Variants in RNF170 observed in about 807,000 individuals in gnomAD.
RNF170 encodes the protein ring finger protein 170.
RNF170 carries 12 observed loss-of-function variants against 32.7 expected under a neutral mutation model. That is an observed-to-expected ratio of 0.37 (90% CI 0.24 to 0.60). The LOEUF (loss-of-function observed/expected upper bound fraction) is 0.60, where lower values mean the gene tolerates loss of function less well. Among genes scored for constraint, RNF170 ranks in the 20% least tolerant of loss-of-function variants. The probability of loss-of-function intolerance (pLI) is 0.72; values close to 1 mark genes in which losing one functional copy is unlikely to be tolerated. For synonymous variants in RNF170, 91 were observed against 103.6 expected (o/e 0.88, Z 0.74); for missense variants, 212 against 311.2 (o/e 0.68, Z 2.40).
intron 4 of RNF170, among the ~76,000 whole-genome samples, chr8:42,867,579 T>C (rs937455057): frequency 6.9e-6 from 1 of 145,190 alleles, no homozygotes; most frequent in Admixed American, 6.9e-5. Context: ...ATCAAGACCA[T>C]CATGGCTAAC....
chr8:42,896,662 G>A (rs1806932755), upstream of RNF170: 3 of 450,788 alleles, frequency 6.7e-6, no homozygotes, highest in South Asian at 4.7e-5. Context: ...GGACGGCGGA[G>A]GAGGACCCGT....
rs138853153 is a variant in RNF170, at chr8:42,872,742, C to T, written c.213+1189G>A. The stretch of plus-strand genomic sequence containing the variant: ...AGGCGTGAGCCACTGCACCTGGCCC[C>T]GCTTAAGTTATTCTTGTATCAATAA... On this transcript the variant is annotated intron_variant, in intron 3 of 6. Transcript: ENST00000527424. 6.3e-3 allele frequency among the ~76,000 whole-genome samples: 953 copies of T among 151,820 alleles called. 9 individuals are homozygous for T. The highest frequency in any genetic ancestry group is 0.01 in the Non-Finnish European group (686 of 67,890).
intron 5 of RNF170, among the ~76,000 whole-genome samples, chr8:42,863,112 C>A (rs1384804173): frequency 2.0e-5 from 3 of 152,156 alleles, no homozygotes; most frequent in Admixed American, 2.0e-4. Flanking sequence ...TTTCCATGAC[C>A]ATTTACTGAA....
intron 1 of RNF170, among the ~76,000 whole-genome samples, chr8:42,892,352 G>C (rs2130197926): frequency 6.6e-6 from 1 of 152,176 alleles, no homozygotes. Context: ...TTTTTGTAGA[G>C]ATGGGTTTCA....
intron 2 of RNF170, among the ~76,000 whole-genome samples, chr8:42,874,721 C>A (rs958761149): frequency 6.9e-6 from 1 of 144,460 alleles, no homozygotes; most frequent in African/African-American, 2.6e-5. Flanking sequence ...CAGCCTGGGC[C>A]AACAACAGTG....
intron 2 of RNF170, among the ~76,000 whole-genome samples, chr8:42,878,159 A>G (rs1805101114): frequency 6.6e-6 from 1 of 152,212 alleles, no homozygotes; most frequent in Non-Finnish European, 1.5e-5. Context: ...TCCCTGAGGC[A>G]TTGACAATAT....
Position 42,856,329 on chromosome 8 carries a change from T to A in RNF170, c.607A>T (p.Ile203Leu). ...GLFWMFRIRI[I>L]LCLMGAFFYL... ...AAAAAAGCTCCCATTAAACAAAGTA[T>A]TATCCTGATGCGAAACATCCAGAAA... Residue 203 changes from isoleucine to leucine, a missense_variant, in exon 7 of 7, where the codon ATA becomes TTA. Coordinates refer to ENST00000527424, the MANE Select transcript of RNF170 (RefSeq NM_030954.4). 6.3e-7 allele frequency: 1 copy of A among 1,592,254 alleles called. No individual in the cohort carries two copies. The highest frequency in any genetic ancestry group is 8.5e-7 in the Non-Finnish European group (1 of 1,174,412).
rs556989619 is a variant in RNF170 at position 42,876,950 on chromosome 8, C to T, written c.138-2944G>A. ...GATTACAGGCGTGAGCCACTGTGCC[C>T]GGACTTTTTTTTTTTTTTTTTGAGA... is the stretch of plus-strand genomic sequence containing the variant. On this transcript the variant is annotated intron_variant, in intron 2 of 6. Coordinates refer to ENST00000527424, the MANE Select transcript of RNF170 (RefSeq NM_030954.4). 9.9e-3 allele frequency among the ~76,000 whole-genome samples: 1,320 copies of T among 133,220 alleles called. 17 individuals are homozygous for T. The highest frequency in any genetic ancestry group is 0.034 in the African/African-American group (1,209 of 35,270). The allele number at this position is 133,220 out of a possible 152,430, so 87.4% of individuals were successfully genotyped here. A position where few individuals can be genotyped will look rare whatever the true frequency, so the allele number is the denominator to read the frequency against.
At chr8:42,896,321 T>C (rs1481481115) in intron 1 of RNF170, 163 bp downstream of exon 1, 1 of 385,232 alleles carries the variant, frequency 2.6e-6, no homozygotes, top group Admixed American at 3.2e-5. Flanking sequence ...GGGGCGATTC[T>C]GGGGCTTCCA....
chr8:42,896,671 G>A (rs1426884420), upstream of RNF170: 10 of 450,224 alleles, frequency 2.2e-5, no homozygotes, highest in Non-Finnish European at 3.6e-5. Context: ...AGGAGGACCC[G>A]TCGCCGCAGC....
At chr8:42,885,933 T>A (rs933714677) in intron 2 of RNF170, among the ~76,000 whole-genome samples, 3 of 151,980 alleles carry the variant, frequency 2.0e-5, no homozygotes, top group African/African-American at 7.3e-5. Flanking sequence ...ATTTTAAAAT[T>A]TTTGGTAGGC....
rs573623720 is a variant in RNF170 at position 42,853,958 on chromosome 8, A to G, written c.*2201T>C. The G allele has an allele frequency of 4.7e-6, 6 of 1,287,212 alleles. No individual in the cohort carries two copies. The South Asian group carries it at 6.2e-5, about 13-fold the overall frequency. The allele number at this position is 1,287,212 out of a possible 1,614,324, so 79.7% of individuals were successfully genotyped here. On this transcript the variant is annotated 3_prime_UTR_variant, in exon 7 of 7. Transcript: ENST00000527424. ...GTGACACTTGGAGCAGAATGCATGCACACAAAATAAAATCCTGTCAAAAAA... is the reference window on the plus strand; with the variant it reads ...GTGACACTTGGAGCAGAATGCATGCGCACAAAATAAAATCCTGTCAAAAAA...
Position 42,870,073 on chromosome 8 carries a change from T to A in RNF170, c.253A>T (p.Met85Leu), listed in dbSNP as rs1398577974. ...AATRQQFYTDMYCPICLHQAS... is the reference protein window; with the variant it reads ...AATRQQFYTDLYCPICLHQAS... ...TGGTGCAGGCAGATGGGACAGTACA[T>A]GTCAGTGTAGAACTGCTGTCGAGTG... The change falls in exon 4 of 7, where the codon ATG becomes TTG. Residue 85 changes from methionine to leucine, a missense_variant. Transcript: ENST00000527424. The A allele has an allele frequency of 6.2e-6, 10 of 1,614,120 alleles. No individual in the cohort carries two copies. The highest frequency in any genetic ancestry group is 8.5e-6 in the Non-Finnish European group (10 of 1,179,998).
intron 6 of RNF170, among the ~76,000 whole-genome samples, chr8:42,857,350 T>A (rs1586477475): frequency 6.6e-6 from 1 of 152,246 alleles, no homozygotes; most frequent in East Asian, 1.9e-4. Flanking sequence ...TCACTTCCTA[T>A]GTTCTGTGGA....
intron 1 of RNF170, among the ~76,000 whole-genome samples, chr8:42,890,364 G>A (rs1032413722): frequency 6.7e-6 from 1 of 149,792 alleles, no homozygotes; most frequent in Non-Finnish European, 1.5e-5. Flanking sequence ...TGCAAGCTCT[G>A]CCTCCCGGGT....
Position 42,858,223 on chromosome 8 carries a change from T to C in RNF170, c.508-1795A>G, listed in dbSNP as rs547661129. Among the ~76,000 whole-genome samples, 11 of 151,198 alleles carry C rather than the reference T, an allele frequency of 7.3e-5. No homozygotes were observed. The South Asian group carries it at 2.3e-3, about 32-fold the overall frequency. ...CAAATAATTATGGAGGACAACATGA[T>C]TGGATTAAGTTTTTTTTTTTCCTGC... On this transcript the variant is annotated intron_variant, in intron 6 of 6. Coordinates refer to ENST00000527424, the MANE Select transcript of RNF170 (RefSeq NM_030954.4).
chr8:42,852,765 A>C (rs1377605960), downstream of RNF170, among the ~76,000 whole-genome samples: 1 of 152,090 alleles, frequency 6.6e-6, no homozygotes, highest in Non-Finnish European at 1.5e-5. Context: ...TGAATGTTGA[A>C]TTTTTCTTTG....
In RNF170 at chr8:42,870,037, G is replaced by A; in HGVS notation, c.289C>T (p.Pro97Ser). The A allele has an allele frequency of 6.2e-7, 1 of 1,614,108 alleles. No homozygotes were observed. Among genetic ancestry groups the A allele is most frequent in the Non-Finnish European group, 8.5e-7 (1 of 1,179,968 alleles). Residue 97 changes from proline (P) to serine (S), a missense_variant, in exon 4 of 7, where the codon CCG becomes TCG. Pro to Ser is a moderately conservative substitution (Grantham distance 74). This residue lies in a region of RNF170 where 115 missense variants were observed against 132.3 expected (regional missense o/e 0.87). Transcript: ENST00000527424. ...CPICLHQASFPVETNCGHLFC... is the reference protein window; with the variant it reads ...CPICLHQASFSVETNCGHLFC... ...AGATGTCCACAGTTGGTCTCCACCG[G>A]GAAGGAGGCTTGGTGCAGGCAGATG...
At chr8:42,864,759 C>T (rs1444942759) in intron 5 of RNF170, among the ~76,000 whole-genome samples, 1 of 148,780 alleles carries the variant, frequency 6.7e-6, no homozygotes, top group Non-Finnish European at 1.5e-5. Context: ...TGGGTCCTCA[C>T]TGGAAAAAGA....
Sources: allele counts gnomAD v4.1 joint callset (sites outside exome capture counted in the v4.1 genomes callset), GRCh38; gene constraint gnomAD v4.1.1; regional missense constraint gnomAD v4.1.1; transcripts MANE v1.5; gene names NCBI Gene and HGNC (gene_info 2026-07-23, HGNC 2026-07-21).